SGK1: variants seen among roughly 807,000 people sequenced by gnomAD.
SGK1 encodes the protein serine/threonine-protein kinase Sgk1.
SGK1 carries 26 observed loss-of-function variants against 64.2 expected under a neutral mutation model. The observed-to-expected ratio is 0.40, with a 90% confidence interval of 0.30 to 0.56. SGK1 has a LOEUF of 0.56. SGK1 is among the 20% of genes least tolerant of loss of function. The pLI, the probability that SGK1 is intolerant of heterozygous loss-of-function variation, is 0.38. For missense variants in SGK1, 519 were observed against 645.6 expected (o/e 0.80, Z 2.12); for synonymous variants, 265 against 239.7 (o/e 1.11, Z -0.98).
In SGK1 at chr6:134,264,327, G is replaced by A. The variant is rs528601664; in HGVS notation, c.70-2179C>T. Among the ~76,000 whole-genome samples the A allele has an allele frequency of 7.6e-4, 115 of 152,000 alleles. 1 individual carries two copies. Among genetic ancestry groups the A allele is most frequent in the Admixed American group, 1.1e-3 (17 of 15,260 alleles). On this transcript the variant is annotated intron_variant, in intron 1 of 13. Coordinates refer to ENST00000367858, the MANE Select transcript of SGK1 (RefSeq NM_001143676.3). Reference sequence around the variant, plus strand: ...GTAGAGACCGGGTTTCATCGTGTTAGCCAGGATGGTCTCGATCTCCTGACC... The same window carrying A: ...GTAGAGACCGGGTTTCATCGTGTTAACCAGGATGGTCTCGATCTCCTGACC...
At position 134,265,001 on chromosome 6, in the gene SGK1, A is replaced by G. The variant is rs775349481; in HGVS notation, c.70-2853T>C. Among the ~76,000 whole-genome samples, 67 of 152,250 alleles carry G rather than the reference A, an allele frequency of 4.4e-4. 1 individual carries two copies. Among genetic ancestry groups the G allele is most frequent in the Admixed American group, 5.9e-4 (9 of 15,276 alleles). ...GATAAACTAAAATTGCAATAGCAAT[A>G]ATGTTTAAGCAATTTATTATATTAC... is the stretch of plus-strand genomic sequence containing the variant. On this transcript the variant is annotated intron_variant, in intron 1 of 13. Coordinates refer to ENST00000367858, the MANE Select transcript of SGK1 (RefSeq NM_001143676.3).
intron 2 of SGK1, among the ~76,000 whole-genome samples, chr6:134,236,127 A>G (rs1215578266): frequency 6.6e-6 from 1 of 152,146 alleles, no homozygotes; most frequent in Non-Finnish European, 1.5e-5. Context: ...AAGGGATTGT[A>G]GTATTGGCAG....
intron 1 of SGK1, among the ~76,000 whole-genome samples, chr6:134,273,621 A>AAGCTGAGTT (rs1776975896): frequency 1.4e-5 from 2 of 144,352 alleles, no homozygotes; most frequent in Non-Finnish European, 3.0e-5. Context: ...AAAAAAAAAA[A>AAGCTGAGTT]AGCTGAGTTA....
At chr6:134,272,267 A>G (rs2114760566) in intron 1 of SGK1, among the ~76,000 whole-genome samples, 1 of 142,438 alleles carries the variant, frequency 7.0e-6, no homozygotes, top group South Asian at 2.3e-4. Flanking sequence ...CAGTCTCCTG[A>G]GTAACTGGGA....
intron 2 of SGK1, among the ~76,000 whole-genome samples, chr6:134,232,013 TG>T (rs1776285058): frequency 6.9e-6 from 1 of 145,134 alleles, no homozygotes; most frequent in African/African-American, 2.6e-5. Context: ...CACTCCAGCC[TG>T]GGTGACAGAG....
chr6:134,249,696 A>G (rs1776578091), intron 2 of SGK1, among the ~76,000 whole-genome samples: 1 of 152,186 alleles, frequency 6.6e-6, no homozygotes, highest in Non-Finnish European at 1.5e-5. Context: ...AATAAACACC[A>G]GCTGAGAGAA....
chr6:134,286,700 C>T (rs968935577), intron 1 of SGK1, among the ~76,000 whole-genome samples: 4 of 152,020 alleles, frequency 2.6e-5, no homozygotes, highest in African/African-American at 9.7e-5. Flanking sequence ...ATCTCCTGAC[C>T]TTGTGATCCG....
chr6:134,210,930 G>A (rs1410589386), intron 2 of SGK1, among the ~76,000 whole-genome samples: 1 of 151,874 alleles, frequency 6.6e-6, no homozygotes, highest in Non-Finnish European at 1.5e-5. Flanking sequence ...TTTGAGACCA[G>A]CCTGGCCAAC....
chr6:134,221,849 C>G (rs915427655), intron 2 of SGK1, among the ~76,000 whole-genome samples: 1 of 152,026 alleles, frequency 6.6e-6, no homozygotes, highest in African/African-American at 2.4e-5. Flanking sequence ...GACAGGGTTT[C>G]ACCATGTCGG....
At chr6:134,227,354 TG>T (rs1776200744) in intron 2 of SGK1, among the ~76,000 whole-genome samples, 1 of 152,082 alleles carries the variant, frequency 6.6e-6, no homozygotes, top group Non-Finnish European at 1.5e-5. Context: ...AGGCTAGTCT[TG>T]AACTCCTGAC....
intron 3 of SGK1, among the ~76,000 whole-genome samples, chr6:134,199,618 C>A (rs1775651267): frequency 6.9e-6 from 1 of 144,642 alleles, no homozygotes; most frequent in Non-Finnish European, 1.5e-5. Flanking sequence ...AAATGTACCA[C>A]CAAACCTAAA....
intron 1 of SGK1, among the ~76,000 whole-genome samples, chr6:134,278,771 G>A (rs1358139631): frequency 6.6e-6 from 1 of 151,840 alleles, no homozygotes; most frequent in Non-Finnish European, 1.5e-5. Context: ...ATAAAAGAAT[G>A]TATTGAGAAT....
intron 2 of SGK1, among the ~76,000 whole-genome samples, chr6:134,233,884 A>G (rs1306780372): frequency 2.6e-5 from 4 of 152,150 alleles, no homozygotes; most frequent in African/African-American, 9.7e-5. Flanking sequence ...CAGAGGAAAA[A>G]TATTAGAAAA....
intron 2 of SGK1, chr6:134,230,421 C>T (rs1776258610): frequency 6.6e-6 from 1 of 152,114 alleles, no homozygotes; most frequent in Admixed American, 6.6e-5. Flanking sequence ...GCTGGAGAGG[C>T]CTCAGGAAAT....
chr6:134,283,874 A>C (rs569938136), intron 1 of SGK1, among the ~76,000 whole-genome samples: 348 of 15,826 alleles, frequency 0.022, no homozygotes, highest in African/African-American at 0.034. Flanking sequence ...TGCCACCACC[A>C]AAAAAAAAAA....
Position 134,189,573 on chromosome 6 carries a change from A to G in SGK1, c.362-14987T>C, listed in dbSNP as rs188818060. Among the ~76,000 whole-genome samples the G allele has an allele frequency of 1.3e-3, 192 of 152,322 alleles. 1 individual carries two copies. The highest frequency in any genetic ancestry group is 4.4e-3 in the African/African-American group (181 of 41,568). The stretch of plus-strand genomic sequence containing the variant: ...TAGAGCAAATGATTGTGCCAAATAG[A>G]TAAGACTATTTCCATCAATTAGTAT... On this transcript the variant is annotated intron_variant, in intron 3 of 13. Coordinates refer to ENST00000367858, the MANE Select transcript of SGK1 (RefSeq NM_001143676.3).
intron 1 of SGK1, among the ~76,000 whole-genome samples, chr6:134,277,486 A>C (rs1165052526): frequency 6.6e-6 from 1 of 152,196 alleles, no homozygotes; most frequent in Non-Finnish European, 1.5e-5. Flanking sequence ...CGAAATGACC[A>C]GGGTCCTGGA....
At chr6:134,225,287 G>A (rs975684515) in intron 2 of SGK1, among the ~76,000 whole-genome samples, 6 of 150,280 alleles carry the variant, frequency 4.0e-5, no homozygotes, top group African/African-American at 1.5e-4. Flanking sequence ...GGAGGCAAAG[G>A]CTGCAGTGAG....
chr6:134,301,524 T>C (rs1022625700), intron 1 of SGK1, among the ~76,000 whole-genome samples: 2 of 111,104 alleles, frequency 1.8e-5, no homozygotes, highest in East Asian at 4.8e-4. Context: ...CTCTTCTCTT[T>C]TCTCTTTTCT....
Sources: gnomAD v4.1 joint callset for allele counts (sites outside exome capture counted in the v4.1 genomes callset) on GRCh38, gnomAD v4.1.1 for gene constraint, MANE v1.5 for transcripts, NCBI Gene and HGNC (gene_info 2026-07-23, HGNC 2026-07-21) for gene names.